The following LYPLAL1 variants were observed in gnomAD, a reference collection of about 807,000 sequenced individuals.
LYPLAL1 encodes lysophospholipase like 1.
A neutral mutation model predicts 19.7 loss-of-function variants in LYPLAL1; 23 were observed. The ratio of observed to expected loss-of-function variants is 1.17; its 90% CI spans 0.84 to 1.65. LYPLAL1 has a LOEUF of 1.65. Ranked by LOEUF, LYPLAL1 falls within the 40% of genes most tolerant of loss-of-function variation. The pLI is 0.00. For missense variants in LYPLAL1, 355 were observed against 279.4 expected, an observed-to-expected ratio of 1.27 and a Z score of -1.93; for synonymous variants, 119 against 96.3, an observed-to-expected ratio of 1.24 and a Z score of -1.38.
At chr1:219,293,086 C>G in the LYPLAL1 span, among the ~76,000 whole-genome samples, 1 of 152,132 alleles carries the variant, frequency 6.6e-6, no homozygotes. Context: ...TGCGTCTGAT[C>G]AATTCTTTCA....
the LYPLAL1 span, among the ~76,000 whole-genome samples, chr1:219,326,972 G>A: frequency 2.0e-5 from 3 of 152,156 alleles, no homozygotes; most frequent in Non-Finnish European, 4.4e-5. Flanking sequence ...AGTGGCTCAC[G>A]CCTGTAATCC....
chr1:219,346,460 ATT>A, the LYPLAL1 span, among the ~76,000 whole-genome samples: 14,970 of 136,216 alleles, frequency 0.11, 760 homozygotes, highest in African/African-American at 0.14. Flanking sequence ...GTCAATTTCT[ATT>A]TTTTTTTTTT....
At chr1:219,191,930 A>G (rs1309892977) in intron 2 of LYPLAL1, among the ~76,000 whole-genome samples, 1 of 151,594 alleles carries the variant, frequency 6.6e-6, no homozygotes, top group Non-Finnish European at 1.5e-5. Flanking sequence ...GTTAAATTTT[A>G]GTCAGTTCAA....
At chr1:219,305,286 C>A in the LYPLAL1 span, among the ~76,000 whole-genome samples, 3 of 152,028 alleles carry the variant, frequency 2.0e-5, no homozygotes, top group Non-Finnish European at 4.4e-5. Context: ...CCATCAGGAG[C>A]TCTAGACACA....
the LYPLAL1 span, among the ~76,000 whole-genome samples, chr1:219,224,536 C>T: frequency 1.3e-5 from 2 of 152,070 alleles, no homozygotes; most frequent in Non-Finnish European, 2.9e-5. Flanking sequence ...ACAGCGGTGA[C>T]GTACTCATGG....
chr1:219,207,979 C>T, intron 3 of LYPLAL1, among the ~76,000 whole-genome samples: 1 of 152,006 alleles, frequency 6.6e-6, no homozygotes, highest in Non-Finnish European at 1.5e-5. Context: ...TCACTCTTTG[C>T]TCAAATCCCA....
At chr1:219,291,333 G>A in the LYPLAL1 span, among the ~76,000 whole-genome samples, 1 of 152,134 alleles carries the variant, frequency 6.6e-6, no homozygotes, top group African/African-American at 2.4e-5. Context: ...AAATGTGGAA[G>A]AAAATACTCT....
chr1:219,299,538 C>T, the LYPLAL1 span, among the ~76,000 whole-genome samples: 5 of 152,026 alleles, frequency 3.3e-5, no homozygotes, highest in African/African-American at 1.2e-4. Context: ...GAGTCATCCC[C>T]ATTGGACAGA....
chr1:219,362,434 C>A, the LYPLAL1 span, among the ~76,000 whole-genome samples: 1 of 152,082 alleles, frequency 6.6e-6, no homozygotes, highest in African/African-American at 2.4e-5. Flanking sequence ...ATAGGTTAAG[C>A]ATTTTAAAAC....
intron 1 of LYPLAL1, among the ~76,000 whole-genome samples, chr1:219,178,432 T>G: frequency 6.6e-6 from 1 of 152,190 alleles, no homozygotes; most frequent in Non-Finnish European, 1.5e-5. Context: ...CAATAGGCAG[T>G]TTTTGAACTG....
At chr1:219,194,067 T>C (rs756761006) in intron 3 of LYPLAL1, among the ~76,000 whole-genome samples, 33 of 152,038 alleles carry the variant, frequency 2.2e-4, no homozygotes, top group Non-Finnish European at 3.7e-4. Flanking sequence ...CTGAACTGTC[T>C]GTTGAGTCAT....
At chr1:219,228,115 A>G in the LYPLAL1 span, among the ~76,000 whole-genome samples, 10 of 152,322 alleles carry the variant, frequency 6.6e-5, no homozygotes, top group South Asian at 1.7e-3. Context: ...GAGAACAAAG[A>G]GAAACCATCT....
At chr1:219,400,516 G>A in the LYPLAL1 span, among the ~76,000 whole-genome samples, 1 of 145,974 alleles carries the variant, frequency 6.9e-6, no homozygotes, top group Admixed American at 6.9e-5. Flanking sequence ...TTTTTTTTGA[G>A]ACAGAGTCTT....
chr1:219,422,836 T>C, the LYPLAL1 span, among the ~76,000 whole-genome samples: 1 of 152,176 alleles, frequency 6.6e-6, no homozygotes, highest in Non-Finnish European at 1.5e-5. Context: ...GTTACAGACC[T>C]ATGAAAATTC....
the LYPLAL1 span, among the ~76,000 whole-genome samples, chr1:219,248,473 C>T: frequency 6.6e-6 from 1 of 152,068 alleles, no homozygotes; most frequent in African/African-American, 2.4e-5. Flanking sequence ...AAGGTTCTCT[C>T]CTCTCCTATC....
chr1:219,333,692 A>T, the LYPLAL1 span, among the ~76,000 whole-genome samples: 1 of 152,064 alleles, frequency 6.6e-6, no homozygotes, highest in Admixed American at 6.6e-5. Context: ...TTTAGGACAG[A>T]TTATTCAGCA....
the LYPLAL1 span, among the ~76,000 whole-genome samples, chr1:219,315,012 G>A: frequency 1.4e-4 from 22 of 152,274 alleles, no homozygotes; most frequent in South Asian, 4.6e-3. Context: ...GTTTGTGTGT[G>A]TGTGTGTGAG....
the LYPLAL1 span, among the ~76,000 whole-genome samples, chr1:219,344,781 G>A: frequency 1.3e-5 from 2 of 152,098 alleles, no homozygotes; most frequent in Admixed American, 6.6e-5. Context: ...CTTGTTCCAA[G>A]GAGTCCATTA....
the LYPLAL1 span, among the ~76,000 whole-genome samples, chr1:219,345,008 A>G: frequency 6.6e-6 from 1 of 152,146 alleles, no homozygotes; most frequent in Admixed American, 6.5e-5. Context: ...CTCACATATC[A>G]TTTTGTCCTC....
Sources: allele counts gnomAD v4.1 joint callset (sites outside exome capture counted in the v4.1 genomes callset), GRCh38; gene constraint gnomAD v4.1.1; transcripts MANE v1.5; gene names NCBI Gene and HGNC (gene_info 2026-07-23, HGNC 2026-07-21).